Variants in ADAMTS19 observed in about 807,000 individuals in gnomAD.
ADAMTS19 encodes the protein ADAM metallopeptidase with thrombospondin type 1 motif 19.
A neutral mutation model predicts 153.3 loss-of-function variants in ADAMTS19; 93 were observed. That is an observed-to-expected ratio of 0.61 (90% CI 0.51 to 0.72). The LOEUF is 0.72. Among genes scored for constraint, ADAMTS19 ranks in the 30% least tolerant of loss-of-function variants. The pLI, the probability that ADAMTS19 is intolerant of heterozygous loss-of-function variation, is 0.00. For missense variants in ADAMTS19, 1,482 were observed against 1,552.1 expected, an observed-to-expected ratio of 0.95 and a Z score of 0.76; for synonymous variants, 600 against 556.6, an observed-to-expected ratio of 1.08 and a Z score of -1.10.
At chr5:129,689,743 G>A (rs1278922446) in intron 18 of ADAMTS19, among the ~76,000 whole-genome samples, 2 of 151,930 alleles carry the variant, frequency 1.3e-5, no homozygotes, top group Non-Finnish European at 2.9e-5. Flanking sequence ...CATTTTAAAG[G>A]TACTATACAT....
chr5:129,704,474 G>A, intron 21 of ADAMTS19, 83 bp downstream of exon 21: 1 of 1,466,292 alleles, frequency 6.8e-7, no homozygotes, highest in South Asian at 1.4e-5. Flanking sequence ...ATAGCATGGA[G>A]TTTAGGAGGG....
chr5:129,528,918 G>T (rs374944140), intron 6 of ADAMTS19, among the ~76,000 whole-genome samples: 3 of 151,990 alleles, frequency 2.0e-5, no homozygotes, highest in East Asian at 1.9e-4. Flanking sequence ...CAAAATTTTT[G>T]ACCTCAAAGG....
In ADAMTS19 at chr5:129,737,402, A is replaced by G; in HGVS notation, c.*184A>G. On this transcript the variant is annotated 3_prime_UTR_variant, in exon 23 of 23. Coordinates refer to ENST00000274487, the MANE Select transcript of ADAMTS19 (RefSeq NM_133638.6). ...TGGTTACACAAACATTTTGATTTATACTATATGGCTTCATAAATAATTTTA... is the reference window on the plus strand; with the variant it reads ...TGGTTACACAAACATTTTGATTTATGCTATATGGCTTCATAAATAATTTTA... 2.2e-6 allele frequency: 1 copy of G among 450,636 alleles called. No individual in the cohort carries two copies. The highest frequency in any genetic ancestry group is 3.5e-6 in the Non-Finnish European group (1 of 282,152). 27.9% of individuals were successfully genotyped at this position (450,636 alleles called of 1,614,324 possible). A position where few individuals can be genotyped will look rare whatever the true frequency, so the allele number is the denominator to read the frequency against.
In ADAMTS19 at chr5:129,738,305, A is replaced by G. The variant is rs907788054; in HGVS notation, c.*1087A>G. Reference sequence around the variant, plus strand: ...ATACATGATTCACATGATTTCTTAGATTTTTCAATAAAATATGTAAAACTT... The same window carrying G: ...ATACATGATTCACATGATTTCTTAGGTTTTTCAATAAAATATGTAAAACTT... On this transcript the variant is annotated 3_prime_UTR_variant, in exon 23 of 23. Coordinates refer to ENST00000274487, the MANE Select transcript of ADAMTS19 (RefSeq NM_133638.6). 1.3e-5 allele frequency: 2 copies of G among 151,980 alleles called. No homozygotes were observed. The highest frequency in any genetic ancestry group is 4.8e-5 in the African/African-American group (2 of 41,402). The allele number at this position is 151,980 out of a possible 1,614,324, so 9.4% of individuals were successfully genotyped here.
chr5:129,583,429 T>C (rs1439627897), intron 7 of ADAMTS19, among the ~76,000 whole-genome samples: 3 of 152,116 alleles, frequency 2.0e-5, no homozygotes, highest in African/African-American at 7.2e-5. Flanking sequence ...TGGTGTTCTC[T>C]GTATTTCCTG....
intron 7 of ADAMTS19, among the ~76,000 whole-genome samples, chr5:129,559,169 T>G (rs751639270): frequency 2.0e-5 from 3 of 152,048 alleles, no homozygotes; most frequent in African/African-American, 2.4e-5. Context: ...AATTCTCAGA[T>G]ATTATTGAAG....
chr5:129,528,498 G>T (rs1335295503), intron 5 of ADAMTS19, 22 bp from the exon 6 acceptor site: 1 of 1,543,100 alleles, frequency 6.5e-7, no homozygotes, highest in African/African-American at 1.4e-5. Flanking sequence ...TATGCCTTGT[G>T]ATGAGCTCTG....
chr5:129,610,038 A>C (rs1175681292), intron 8 of ADAMTS19, among the ~76,000 whole-genome samples: 2 of 152,030 alleles, frequency 1.3e-5, no homozygotes, highest in Admixed American at 1.3e-4. Flanking sequence ...AAAGGAAGTA[A>C]AAAGAAAATA....
intron 17 of ADAMTS19, among the ~76,000 whole-genome samples, chr5:129,682,060 T>C (rs957951191): frequency 6.6e-6 from 1 of 152,156 alleles, no homozygotes; most frequent in Admixed American, 6.5e-5. Flanking sequence ...AAATTCAGAA[T>C]TTTAAAACAC....
intron 10 of ADAMTS19, among the ~76,000 whole-genome samples, chr5:129,624,400 C>T (rs1004069597): frequency 1.3e-5 from 2 of 152,092 alleles, no homozygotes; most frequent in African/African-American, 4.8e-5. Context: ...TTTCTTAAAT[C>T]TTCATGGTAA....
chr5:129,545,318 A>T (rs1581065852), intron 6 of ADAMTS19, among the ~76,000 whole-genome samples: 3 of 152,302 alleles, frequency 2.0e-5, no homozygotes, highest in South Asian at 4.1e-4. Flanking sequence ...CCATCTGAAG[A>T]GAGCATTAGT....
chr5:129,587,984 CTA>C (rs1185806979), intron 7 of ADAMTS19, among the ~76,000 whole-genome samples: 1 of 151,540 alleles, frequency 6.6e-6, no homozygotes, highest in African/African-American at 2.4e-5. Context: ...TTAAAAACTT[CTA>C]GTCTTTTTTG....
chr5:129,724,023 G>A (rs1411854789), intron 21 of ADAMTS19, among the ~76,000 whole-genome samples: 7 of 152,272 alleles, frequency 4.6e-5, no homozygotes, highest in East Asian at 1.9e-4. Context: ...AAGGGGTTGC[G>A]GAGACCACTG....
chr5:129,679,250 A>G (rs1754684715), intron 16 of ADAMTS19, among the ~76,000 whole-genome samples: 1 of 152,190 alleles, frequency 6.6e-6, no homozygotes, highest in African/African-American at 2.4e-5. Context: ...TAAATCCAAC[A>G]TATTATCTTT....
At position 129,625,007 on chromosome 5, in the gene ADAMTS19, C is replaced by T. The variant is rs146831743; in HGVS notation, c.1770+2659C>T. ...CCCATCCCCCCACCCCACAACAGGC[C>T]CTGGTGTATGATATTTTCCCCGCCC... is the stretch of plus-strand genomic sequence containing the variant. On this transcript the variant is annotated intron_variant, in intron 10 of 22. Transcript: ENST00000274487. Among the ~76,000 whole-genome samples the T allele has an allele frequency of 4.5e-3, 687 of 151,300 alleles. 9 individuals are homozygous for T. The highest frequency in any genetic ancestry group is 0.016 in the African/African-American group (638 of 41,146).
intron 7 of ADAMTS19, among the ~76,000 whole-genome samples, chr5:129,592,287 G>T (rs1750171948): frequency 6.8e-6 from 1 of 146,672 alleles, no homozygotes; most frequent in South Asian, 2.1e-4. Context: ...GGCTGAGGCA[G>T]AAGACTCGCT....
intron 13 of ADAMTS19, among the ~76,000 whole-genome samples, chr5:129,650,403 C>T (rs1029042564): frequency 2.0e-5 from 3 of 152,124 alleles, no homozygotes; most frequent in African/African-American, 7.2e-5. Flanking sequence ...TCTGATGAAA[C>T]CCTTTTCTCA....
intron 8 of ADAMTS19, among the ~76,000 whole-genome samples, chr5:129,608,796 G>T (rs907140865): frequency 6.8e-6 from 1 of 146,844 alleles, no homozygotes; most frequent in African/African-American, 2.5e-5. Context: ...GCAGTGAGCT[G>T]AGATCACACC....
At chr5:129,605,438 A>G (rs1750846870) in intron 8 of ADAMTS19, among the ~76,000 whole-genome samples, 1 of 152,180 alleles carries the variant, frequency 6.6e-6, no homozygotes. Flanking sequence ...TCTGCCTGGA[A>G]AGTTCTCCAG....
Sources: allele counts gnomAD v4.1 joint callset (sites outside exome capture counted in the v4.1 genomes callset), GRCh38; gene constraint gnomAD v4.1.1; transcripts MANE v1.5; gene names NCBI Gene and HGNC (gene_info 2026-07-23, HGNC 2026-07-21).